TAF2: variants seen among roughly 807,000 people sequenced by gnomAD.
The protein encoded by TAF2 is transcription initiation factor TFIID subunit 2.
In TAF2, 61 loss-of-function variants were observed where a neutral mutation model predicts 138.5. That is an observed-to-expected ratio of 0.44 (90% CI 0.36 to 0.54). The LOEUF is 0.54. TAF2 is among the 20% of genes least tolerant of loss of function. TAF2 has a pLI of 0.00. For missense variants in TAF2, 1,090 were observed against 1,427.9 expected, an observed-to-expected ratio of 0.76 and a Z score of 3.81; for synonymous variants, 475 against 469.9, an observed-to-expected ratio of 1.01 and a Z score of -0.14.
At chr8:119,768,526 C>G (rs904995123) in intron 18 of TAF2, among the ~76,000 whole-genome samples, 6 of 152,160 alleles carry the variant, frequency 3.9e-5, no homozygotes, top group African/African-American at 1.4e-4. Context: ...TGAGAAGATA[C>G]TTGATATGAT....
chr8:119,752,056 G>C (rs1002042883), intron 22 of TAF2, among the ~76,000 whole-genome samples: 1 of 151,858 alleles, frequency 6.6e-6, no homozygotes. Flanking sequence ...AAATGATTGA[G>C]AAAACAACCA....
rs181591122 is a variant in TAF2, at chr8:119,773,981, C to T, written c.2364+4038G>A. On this transcript the variant is annotated intron_variant, in intron 18 of 25. Transcript: ENST00000378164. ...GGTCAGGAGATCGAGACCATCCTGG[C>T]TAACATGGTGAAACCCTGTCTCTAC... Among the ~76,000 whole-genome samples the T allele has an allele frequency of 7.5e-3, 1,141 of 151,712 alleles. 19 individuals are homozygous for T. The highest frequency in any genetic ancestry group is 0.026 in the African/African-American group (1,081 of 41,556).
At chr8:119,798,557 G>A (rs1193320029) in intron 6 of TAF2, among the ~76,000 whole-genome samples, 1 of 152,178 alleles carries the variant, frequency 6.6e-6, no homozygotes, top group Admixed American at 6.6e-5. Context: ...GAGTTCAACA[G>A]AAGTTTGATA....
chr8:119,825,679 TTTTG>T (rs886534177), intron 2 of TAF2, among the ~76,000 whole-genome samples: 44 of 152,082 alleles, frequency 2.9e-4, no homozygotes, highest in South Asian at 1.0e-3. Context: ...CTGACGGTTT[TTTTG>T]TTTGTTTGTT....
At chr8:119,740,362 TAAAACA>T (rs1819511996) in intron 25 of TAF2, among the ~76,000 whole-genome samples, 2 of 151,538 alleles carry the variant, frequency 1.3e-5, no homozygotes, top group Admixed American at 6.6e-5. Context: ...ACTTAACAAA[TAAAACA>T]ATGTCGCCAG....
intron 3 of TAF2, among the ~76,000 whole-genome samples, chr8:119,812,398 G>A (rs911428264): frequency 3.3e-5 from 5 of 151,716 alleles, no homozygotes; most frequent in Admixed American, 3.3e-4. Flanking sequence ...TTTTACAATA[G>A]GAATGTCTGA....
rs577068538 is a variant in TAF2 at position 119,821,033 on chromosome 8, G to A, written c.139-1527C>T. Among the ~76,000 whole-genome samples, 1,375 of 144,896 alleles carry A rather than the reference G, an allele frequency of 9.5e-3. 20 individuals carry two copies. Among genetic ancestry groups the A allele is most frequent in the African/African-American group, 0.034 (1,311 of 38,954 alleles). On this transcript the variant is annotated intron_variant, in intron 2 of 25. Coordinates refer to ENST00000378164, the MANE Select transcript of TAF2 (RefSeq NM_003184.4). The stretch of plus-strand genomic sequence containing the variant: ...AACTACAAAACAAAAGATTAAAGAA[G>A]TACTGTCAACTGCTACTTGGGTGGG...
In TAF2 at chr8:119,832,633, C is replaced by T. The variant is rs1192601894; in HGVS notation, c.-69G>A. The T allele has an allele frequency of 1.4e-6, 2 of 1,466,224 alleles. No homozygotes were observed. Among genetic ancestry groups the T allele is most frequent in the African/African-American group, 2.8e-5 (2 of 72,020 alleles). 90.8% of individuals were successfully genotyped at this position (1,466,224 alleles called of 1,614,324 possible). ...TACGGGGCATTACTAGTCTTTGGCA[C>T]CTCACACTCTCCACTCCCCTGCGGT... is the stretch of plus-strand genomic sequence containing the variant. On this transcript the variant is annotated 5_prime_UTR_variant, in exon 1 of 26. The change creates a new upstream start codon in the 5' untranslated region. Coordinates refer to ENST00000378164, the MANE Select transcript of TAF2 (RefSeq NM_003184.4).
At chr8:119,780,830 G>T (rs1191661403) in intron 17 of TAF2, among the ~76,000 whole-genome samples, 2 of 151,724 alleles carry the variant, frequency 1.3e-5, no homozygotes, top group African/African-American at 2.4e-5. Flanking sequence ...AGCTACTCGG[G>T]AGGCTGAGGC....
At chr8:119,780,909 T>C in intron 17 of TAF2, 144 bp downstream of exon 17, 1 of 826,472 alleles carries the variant, frequency 1.2e-6, no homozygotes, top group Non-Finnish European at 1.8e-6. Flanking sequence ...CATTCCAGCC[T>C]GGGCGACAGA....
In TAF2 at chr8:119,805,054, C is replaced by T. The variant is rs145276066; in HGVS notation, c.419-1035G>A. Among the ~76,000 whole-genome samples, 591 of 152,246 alleles carry T rather than the reference C, an allele frequency of 3.9e-3. 1 individual carries two copies. The highest frequency in any genetic ancestry group is 7.1e-3 in the Non-Finnish European group (482 of 68,006). On this transcript the variant is annotated intron_variant, in intron 4 of 25. Coordinates refer to ENST00000378164, the MANE Select transcript of TAF2 (RefSeq NM_003184.4). Reference sequence around the variant, plus strand: ...CCTACCCCGTCCCCAGCACCCACAACGGAAACCAATAAACAAAACAAGGAC... The same window carrying T: ...CCTACCCCGTCCCCAGCACCCACAATGGAAACCAATAAACAAAACAAGGAC...
chr8:119,746,650 C>A, intron 23 of TAF2, 55 bp downstream of exon 23: 1 of 1,558,886 alleles, frequency 6.4e-7, no homozygotes, highest in Non-Finnish European at 8.9e-7. Flanking sequence ...CAATTCTCTT[C>A]TCTAGATCCT....
intron 6 of TAF2, among the ~76,000 whole-genome samples, chr8:119,801,002 T>C (rs933364273): frequency 3.3e-5 from 5 of 152,228 alleles, no homozygotes; most frequent in African/African-American, 9.6e-5. Context: ...TGAATTGTGA[T>C]AAGATATGTG....
intron 2 of TAF2, among the ~76,000 whole-genome samples, chr8:119,819,925 A>G (rs1433900037): frequency 6.6e-6 from 1 of 152,238 alleles, no homozygotes; most frequent in African/African-American, 2.4e-5. Flanking sequence ...ATACCACTGA[A>G]GCTAACAAGT....
intron 25 of TAF2, among the ~76,000 whole-genome samples, chr8:119,740,374 G>A (rs1200007208): frequency 2.6e-5 from 4 of 151,524 alleles, no homozygotes; most frequent in African/African-American, 9.7e-5. Flanking sequence ...AAACAATGTC[G>A]CCAGGCCTGG....
At chr8:119,737,237 A>G (rs1404160281) in intron 25 of TAF2, among the ~76,000 whole-genome samples, 2 of 152,220 alleles carry the variant, frequency 1.3e-5, no homozygotes, top group East Asian at 3.8e-4. Flanking sequence ...ATGACATAAA[A>G]GAATTAGTAA....
chr8:119,775,044 G>A (rs1253136022), intron 18 of TAF2, among the ~76,000 whole-genome samples: 1 of 151,962 alleles, frequency 6.6e-6, no homozygotes. Context: ...ACTTTGGGAG[G>A]CCAAGGAGGG....
At chr8:119,763,953 A>G (rs1352434582) in intron 18 of TAF2, among the ~76,000 whole-genome samples, 1 of 151,944 alleles carries the variant, frequency 6.6e-6, no homozygotes, top group Non-Finnish European at 1.5e-5. Flanking sequence ...GTTTGAGACC[A>G]CCCTGACCAA....
chr8:119,802,807 G>A (rs1463621840), intron 5 of TAF2, among the ~76,000 whole-genome samples: 1 of 152,188 alleles, frequency 6.6e-6, no homozygotes, highest in Non-Finnish European at 1.5e-5. Context: ...AGCTACTCCA[G>A]AGGCTGAGGC....
Sources: allele counts gnomAD v4.1 joint callset (sites outside exome capture counted in the v4.1 genomes callset), GRCh38; gene constraint gnomAD v4.1.1; transcripts MANE v1.5; gene names NCBI Gene and HGNC (gene_info 2026-07-23, HGNC 2026-07-21).